The following TTF2 variants were observed in gnomAD, a reference collection of about 807,000 sequenced individuals.
The protein encoded by TTF2 is transcription termination factor 2, also known as RNA polymerase II termination factor.
In TTF2, 108 loss-of-function variants were observed where a neutral mutation model predicts 142.4. That is an observed-to-expected ratio of 0.76 (90% confidence interval 0.65 to 0.89). TTF2 has a LOEUF of 0.89. TTF2 is among the 40% of genes least tolerant of loss of function. The pLI, the probability that TTF2 is intolerant of heterozygous loss-of-function variation, is 0.00. For synonymous variants in TTF2, 483 were observed against 506.2 expected, an observed-to-expected ratio of 0.95 and a Z score of 0.61; for missense variants, 1,327 against 1,379.8, an observed-to-expected ratio of 0.96 and a Z score of 0.61.
chr1:117,081,700 A>G, intron 9 of TTF2, 128 bp from the exon 10 acceptor site: 3 of 1,139,624 alleles, frequency 2.6e-6, no homozygotes, highest in Middle Eastern at 2.5e-4. Flanking sequence ...AGGTAGGCAC[A>G]GAGTAGTGAC....
At position 117,071,214 on chromosome 1, in the gene TTF2, T is replaced by C. The variant is rs12076845; in HGVS notation, c.219-2447T>C. 6.0e-3 allele frequency among the ~76,000 whole-genome samples: 908 copies of C among 152,216 alleles called. 7 individuals are homozygous for C. The highest frequency in any genetic ancestry group is 0.021 in the African/African-American group (872 of 41,530). On this transcript the variant is annotated intron_variant, in intron 3 of 22. Coordinates refer to ENST00000369466, the MANE Select transcript of TTF2 (RefSeq NM_003594.4). The stretch of plus-strand genomic sequence containing the variant: ...GACATATGCACAGTTTCACTCCTTG[T>C]GCCACTGCTTTTAATAGTAAAGGAT...
At position 117,075,571 on chromosome 1, in the gene TTF2, G is replaced by T; in HGVS notation, c.987G>T (p.Ala329=). The part of the protein sequence containing the change: ...THSVPAPGGP[A]AQAAPAAPGL... ...GTGTGCCTGCTCCTGGAGGACCAGC[G>T]GCTCAGGCTGCACCAGCAGCACCAG... Residue 329 remains alanine (A), a synonymous_variant, in exon 5 of 23, where the codon GCG becomes GCT. Transcript: ENST00000369466. This position sits in a 1 kb window ranked among gnomAD's most constrained non-coding sequence, Gnocchi z 4.5. 4 of 1,614,142 alleles carry T rather than the reference G, an allele frequency of 2.5e-6. No homozygotes were observed. Among genetic ancestry groups the T allele is most frequent in the Non-Finnish European group, 3.4e-6 (4 of 1,180,018 alleles).
chr1:117,090,204 CT>C lies in TTF2; in HGVS notation c.2495del (p.Leu832TrpfsTer2), dbSNP rs781305511. ...TKDQLDSTGR[P>X]LVILPQRKFQ... ...GACCAGCTGGACTCTACTGGCAGAC[CT>C]TTGGTAATCAAGTTTGTACCTGTCC... is the stretch of plus-strand genomic sequence containing the variant. On this transcript the variant is annotated frameshift_variant, in exon 14 of 23. Transcript: ENST00000369466. LOFTEE classifies it high-confidence loss of function. The surrounding 1 kb of genome is among the most constrained non-coding windows in gnomAD (Gnocchi z 4.8). 1.9e-6 allele frequency: 3 copies of C among 1,613,668 alleles called. No individual in the cohort carries two copies. The highest frequency in any genetic ancestry group is 1.7e-6 in the Non-Finnish European group (2 of 1,179,816).
In TTF2 at chr1:117,062,476, A is replaced by G. The variant is rs374098643; in HGVS notation, c.218+3A>G. On this transcript the variant is annotated splice_donor_region_variant and intron_variant, in intron 3 of 22. Transcript: ENST00000369466. ...CCACAGGACAAGAAAGAATACAGGT[A>G]AGGGTCCAAAAGGAACATCTAAGTG... 16 of 1,602,042 alleles carry G rather than the reference A, an allele frequency of 1.0e-5. No individual in the cohort carries two copies. The highest frequency in any genetic ancestry group is 1.4e-5 in the Non-Finnish European group (16 of 1,176,452).
At chr1:117,064,257 C>T (rs1655909777) in intron 3 of TTF2, among the ~76,000 whole-genome samples, 1 of 151,826 alleles carries the variant, frequency 6.6e-6, no homozygotes, top group African/African-American at 2.4e-5. Context: ...GTGGGCAGAT[C>T]ACTTGAGATT....
Position 117,076,457 on chromosome 1 carries a change from C to G in TTF2, c.1390+163C>G. 1.1e-6 allele frequency: 1 copy of G among 930,286 alleles called. No homozygotes were observed. The highest frequency in any genetic ancestry group is 1.6e-6 in the Non-Finnish European group (1 of 626,150). 57.6% of individuals were successfully genotyped at this position (930,286 alleles called of 1,614,324 possible). ...ACACCTATGGTTCATAAAAAACTTT[C>G]TCCTGTTTCCTGTGGACTCTACTTT... On this transcript the variant is annotated intron_variant, in intron 6 of 22. Coordinates refer to ENST00000369466, the MANE Select transcript of TTF2 (RefSeq NM_003594.4). The surrounding 1 kb of genome is among the most constrained non-coding windows in gnomAD (Gnocchi z 4.6).
In TTF2 at chr1:117,078,051, A is replaced by G. The variant is rs1657161943; in HGVS notation, c.1701+8A>G. ...GATCCCGCCGGGCTGAAGGTGAGCC[A>G]GGGAAGACTCCTGGTGTAGTCCTCT... On this transcript the variant is annotated splice_region_variant and intron_variant, in intron 8 of 22. Coordinates refer to ENST00000369466, the MANE Select transcript of TTF2 (RefSeq NM_003594.4). 6.2e-7 allele frequency: 1 copy of G among 1,613,430 alleles called. No individual in the cohort carries two copies. Among genetic ancestry groups the G allele is most frequent in the South Asian group, 1.1e-5 (1 of 91,054 alleles).
chr1:117,091,540 A>G, intron 16 of TTF2, 130 bp downstream of exon 16: 1 of 998,118 alleles, frequency 1.0e-6, no homozygotes, highest in Non-Finnish European at 1.5e-6. Flanking sequence ...CCCTCAAACC[A>G]GAGTAAAATC....
intron 11 of TTF2, among the ~76,000 whole-genome samples, chr1:117,084,390 C>T (rs575538801): frequency 1.3e-5 from 2 of 152,236 alleles, no homozygotes; most frequent in Non-Finnish European, 2.9e-5. Flanking sequence ...GAAAGCTGCC[C>T]TGTGAGGAGG....
Position 117,083,039 on chromosome 1 carries a change from G to A in TTF2, c.1904-979G>A, listed in dbSNP as rs535915194. 1.8e-4 allele frequency among the ~76,000 whole-genome samples: 27 copies of A among 152,072 alleles called. 1 individual carries two copies. The highest frequency in any genetic ancestry group is 3.8e-4 in the Non-Finnish European group (26 of 67,990). Reference sequence around the variant, plus strand: ...GGGCGGATAACAAGGTCAGGAGACCGAGACCATCCTGACTAATACGGTGAA... The same window carrying A: ...GGGCGGATAACAAGGTCAGGAGACCAAGACCATCCTGACTAATACGGTGAA... On this transcript the variant is annotated intron_variant, in intron 10 of 22. Transcript: ENST00000369466.
intron 3 of TTF2, among the ~76,000 whole-genome samples, chr1:117,072,422 C>CCT (rs1656658341): frequency 2.0e-5 from 2 of 102,046 alleles, no homozygotes; most frequent in African/African-American, 8.2e-5. Flanking sequence ...AAGATACGGA[C>CCT]TTTTTTTTTT....
rs781440556 is a variant in TTF2 at position 117,081,837 on chromosome 1, T to G, written c.1793T>G (p.Met598Arg). ...KPQGGILADD[M>R]GLGKTLTMIA... ...TGCTTTTATTTTCTAGCAGATGATA[T>G]GGGCTTAGGAAAAACCCTGACAATG... Residue 598 changes from methionine to arginine, a missense_variant, in exon 10 of 23, where the codon ATG becomes AGG. Coordinates refer to ENST00000369466, the MANE Select transcript of TTF2 (RefSeq NM_003594.4). The G allele has an allele frequency of 9.3e-6, 15 of 1,613,374 alleles. No individual in the cohort carries two copies. The highest frequency in any genetic ancestry group is 8.5e-7 in the Non-Finnish European group (1 of 1,179,850).
At chr1:117,060,983 A>T (rs1442188152) in intron 2 of TTF2, among the ~76,000 whole-genome samples, 2 of 152,106 alleles carry the variant, frequency 1.3e-5, no homozygotes, top group Non-Finnish European at 2.9e-5. Flanking sequence ...GGTTTTTTTT[A>T]AATGTTTGAG....
rs1470450617 is a variant in TTF2, at chr1:117,070,436, G to T, written c.219-3225G>T. Among the ~76,000 whole-genome samples the T allele has an allele frequency of 1.3e-5, 2 of 152,144 alleles. No homozygotes were observed. Among genetic ancestry groups the T allele is most frequent in the East Asian group, 1.9e-4 (1 of 5,198 alleles). On this transcript the variant is annotated intron_variant, in intron 3 of 22. Transcript: ENST00000369466. This position sits in a 1 kb window ranked among gnomAD's most constrained non-coding sequence, Gnocchi z 4.2. ...CTAAGTATTTGTATATCTAAACAAA[G>T]AAAATGTACAGTAAAAATACAGTAT...
In TTF2 at chr1:117,079,075, A is replaced by T. The variant is rs180810471; in HGVS notation, c.1702-493A>T. On this transcript the variant is annotated intron_variant, in intron 8 of 22. Transcript: ENST00000369466. The surrounding 1 kb of genome is among the most constrained non-coding windows in gnomAD (Gnocchi z 4.2). Reference sequence around the variant, plus strand: ...GCCAACATGGTGAAACCCCATCTCTACTAAAAATAAGAAAATTAGCTGGGC... The same window carrying T: ...GCCAACATGGTGAAACCCCATCTCTTCTAAAAATAAGAAAATTAGCTGGGC... 6.6e-6 allele frequency among the ~76,000 whole-genome samples: 1 copy of T among 152,190 alleles called. No individual in the cohort carries two copies. Among genetic ancestry groups the T allele is most frequent in the Non-Finnish European group, 1.5e-5 (1 of 68,010 alleles).
chr1:117,097,488 G>A lies in TTF2; in HGVS notation c.3269+55G>A. ...CACAGCACATCAAGGAGGCCAGTGG[G>A]CTACAGGGGCAGCAAGAACTGACTT... On this transcript the variant is annotated intron_variant, in intron 21 of 22. Coordinates refer to ENST00000369466, the MANE Select transcript of TTF2 (RefSeq NM_003594.4). This position sits in a 1 kb window ranked among gnomAD's most constrained non-coding sequence, Gnocchi z 4.1. The A allele has an allele frequency of 6.6e-7, 1 of 1,521,020 alleles. No homozygotes were observed. The highest frequency in any genetic ancestry group is 9.1e-7 in the Non-Finnish European group (1 of 1,095,272). The allele number at this position is 1,521,020 out of a possible 1,614,324, so 94.2% of individuals were successfully genotyped here.
rs1649817665 is a variant in TTF2 at position 117,104,652 on chromosome 1, A to G, written c.*3128A>G. 1 of 152,220 alleles carries G rather than the reference A, an allele frequency of 6.6e-6. No individual in the cohort carries two copies. The highest frequency in any genetic ancestry group is 1.5e-5 in the Non-Finnish European group (1 of 68,056). 9.4% of individuals were successfully genotyped at this position (152,220 alleles called of 1,614,324 possible). On this transcript the variant is annotated 3_prime_UTR_variant, in exon 23 of 23. Transcript: ENST00000369466. Reference sequence around the variant, plus strand: ...GTGAGATGCTACTGACTTGAGGTGGATGCAGAAAAAAATGGAACCACTGCC... The same window carrying G: ...GTGAGATGCTACTGACTTGAGGTGGGTGCAGAAAAAAATGGAACCACTGCC...
At position 117,101,464 on chromosome 1, in the gene TTF2, G is replaced by T. The variant is rs753615834; in HGVS notation, c.3429G>T (p.Gly1143=). 6.2e-7 allele frequency: 1 copy of T among 1,610,366 alleles called. No individual in the cohort carries two copies. The highest frequency in any genetic ancestry group is 8.5e-7 in the Non-Finnish European group (1 of 1,179,310). ...ATTTGGCCAAACAAGTTCTATCAGGGTCTGGAGAATCTGTCACCAAGCTCA... is the reference window on the plus strand; with the variant it reads ...ATTTGGCCAAACAAGTTCTATCAGGTTCTGGAGAATCTGTCACCAAGCTCA... The part of the protein sequence containing the change: ...KKDLAKQVLS[G]SGESVTKLTL... The change falls in exon 23 of 23, where the codon GGG becomes GGT. Residue 1143 remains glycine (G), a synonymous_variant. Transcript: ENST00000369466. The surrounding 1 kb of genome is among the most constrained non-coding windows in gnomAD (Gnocchi z 5.9).
rs1648097039 is a variant in TTF2, at chr1:117,087,248, G to C, written c.2160+726G>C. On this transcript the variant is annotated intron_variant, in intron 12 of 22. Coordinates refer to ENST00000369466, the MANE Select transcript of TTF2 (RefSeq NM_003594.4). This position sits in a 1 kb window ranked among gnomAD's most constrained non-coding sequence, Gnocchi z 4.8. ...TCAGATTGCTCACTGGTTTTCCATT[G>C]CTTTTGGGATAAACCCTAAATTTCT... Among the ~76,000 whole-genome samples the C allele has an allele frequency of 6.6e-6, 1 of 152,126 alleles. No individual in the cohort carries two copies. The highest frequency in any genetic ancestry group is 1.5e-5 in the Non-Finnish European group (1 of 68,014).
Sources: allele counts gnomAD v4.1 joint callset (sites outside exome capture counted in the v4.1 genomes callset), GRCh38; gene constraint gnomAD v4.1.1; non-coding constraint Gnocchi (gnomAD v3.1); transcripts MANE v1.5; gene names NCBI Gene and HGNC (gene_info 2026-07-23, HGNC 2026-07-21).